SGCZ: variants seen among roughly 807,000 people sequenced by gnomAD.
SGCZ encodes the protein sarcoglycan zeta, also known as zeta-sarcoglycan.
In SGCZ, 40 loss-of-function variants were observed where a neutral mutation model predicts 41.3. That is an observed-to-expected ratio of 0.97 (90% CI 0.75 to 1.26). SGCZ has a LOEUF of 1.26. Ranked by LOEUF, SGCZ falls within the 50% of genes most tolerant of loss-of-function variation. The probability of loss-of-function intolerance (pLI) is 0.00; values close to 1 mark genes in which losing one functional copy is unlikely to be tolerated. For missense variants in SGCZ, 552 were observed against 369.8 expected (o/e 1.49, Z -4.04); for synonymous variants, 206 against 137.5 (o/e 1.50, Z -3.49).
intron 1 of SGCZ, among the ~76,000 whole-genome samples, chr8:14,914,834 T>C (rs1012677764): frequency 1.2e-4 from 19 of 152,302 alleles, no homozygotes; most frequent in African/African-American, 4.6e-4. Flanking sequence ...AAGATTGTTA[T>C]GCAGGCACTT....
chr8:15,211,009 C>CTA (rs1173615748), intron 1 of SGCZ, among the ~76,000 whole-genome samples: 1 of 142,904 alleles, frequency 7.0e-6, no homozygotes, highest in East Asian at 2.0e-4. Context: ...GCTTCTCTCT[C>CTA]TCTATATATA....
chr8:14,986,486 T>C (rs766491668), intron 1 of SGCZ, among the ~76,000 whole-genome samples: 28 of 152,140 alleles, frequency 1.8e-4, no homozygotes, highest in Admixed American at 5.9e-4. Context: ...CCAGCAGTAA[T>C]TGAACAAATT....
chr8:14,339,937 A>T (rs963960762), intron 2 of SGCZ, among the ~76,000 whole-genome samples: 2 of 152,136 alleles, frequency 1.3e-5, no homozygotes, highest in Non-Finnish European at 2.9e-5. Context: ...AATATAAAAA[A>T]TGAAATGAAA....
rs145307944 is a variant in SGCZ at position 14,801,338 on chromosome 8, A to G, written c.40-246412T>C. 3.1e-4 allele frequency among the ~76,000 whole-genome samples: 47 copies of G among 152,352 alleles called. No individual in the cohort carries two copies. In the East Asian group the frequency reaches 8.7e-3, roughly 28 times the overall value. On this transcript the variant is annotated intron_variant, in intron 1 of 7. Transcript: ENST00000382080. Reference sequence around the variant, plus strand: ...GTAATCTCATTTGCTTTACTAAGGAAATGAATCATTTTTATGAGGAAAAAA... The same window carrying G: ...GTAATCTCATTTGCTTTACTAAGGAGATGAATCATTTTTATGAGGAAAAAA...
At chr8:14,264,757 C>A (rs1799815404) in intron 3 of SGCZ, among the ~76,000 whole-genome samples, 1 of 152,082 alleles carries the variant, frequency 6.6e-6, no homozygotes, top group Admixed American at 6.6e-5. Context: ...GTCAGGAGAC[C>A]AAGACCATCC....
At chr8:14,441,033 A>AT (rs1800246693) in intron 2 of SGCZ, among the ~76,000 whole-genome samples, 1 of 151,994 alleles carries the variant, frequency 6.6e-6, no homozygotes, top group South Asian at 2.1e-4. Flanking sequence ...ATGATTTATC[A>AT]TTTTTTTCTA....
At chr8:14,513,029 T>C (rs1047175285) in intron 2 of SGCZ, among the ~76,000 whole-genome samples, 2 of 152,180 alleles carry the variant, frequency 1.3e-5, no homozygotes, top group African/African-American at 2.4e-5. Context: ...CAAATCTTGT[T>C]CGTGCCTTGC....
At chr8:15,216,244 C>T (rs1384283989) in intron 1 of SGCZ, among the ~76,000 whole-genome samples, 3 of 109,916 alleles carry the variant, frequency 2.7e-5, no homozygotes, top group African/African-American at 3.5e-5. Context: ...TTTTTTGAGA[C>T]GGTGTTGCTC....
At chr8:14,422,540 G>C (rs1167355567) in intron 2 of SGCZ, among the ~76,000 whole-genome samples, 1 of 152,104 alleles carries the variant, frequency 6.6e-6, no homozygotes, top group African/African-American at 2.4e-5. Flanking sequence ...TCTGTAATTG[G>C]AAACTGTAAA....
intron 1 of SGCZ, among the ~76,000 whole-genome samples, chr8:14,569,240 T>A (rs1031279899): frequency 6.6e-6 from 1 of 152,206 alleles, no homozygotes; most frequent in African/African-American, 2.4e-5. Context: ...TTTTAATTCA[T>A]TGCAGCTGAA....
intron 1 of SGCZ, among the ~76,000 whole-genome samples, chr8:14,588,177 G>A (rs543143620): frequency 7.2e-6 from 1 of 138,604 alleles, no homozygotes; most frequent in South Asian, 2.4e-4. Flanking sequence ...AATTTTTCAG[G>A]AATAGCCATT....
At chr8:14,918,990 G>T (rs1268315804) in intron 1 of SGCZ, among the ~76,000 whole-genome samples, 1 of 152,190 alleles carries the variant, frequency 6.6e-6, no homozygotes, top group Non-Finnish European at 1.5e-5. Flanking sequence ...CTCCCAAGGT[G>T]CCAGCTCTGT....
Position 14,495,269 on chromosome 8 carries a change from A to G in SGCZ, c.234+59463T>C, listed in dbSNP as rs973843943. ...GTTAAATGTTTGTAACCAGTTCACA[A>G]TGAGAGAAGTAGCTTCCACTAGAAA... is the stretch of plus-strand genomic sequence containing the variant. On this transcript the variant is annotated intron_variant, in intron 2 of 7. Transcript: ENST00000382080. Among the ~76,000 whole-genome samples the G allele has an allele frequency of 7.2e-5, 11 of 152,206 alleles. 1 individual carries two copies. Among genetic ancestry groups the G allele is most frequent in the Admixed American group, 6.5e-4 (10 of 15,278 alleles).
intron 1 of SGCZ, among the ~76,000 whole-genome samples, chr8:14,621,483 AT>A (rs1183155493): frequency 2.6e-5 from 4 of 152,050 alleles, no homozygotes; most frequent in Admixed American, 6.6e-5. Context: ...CACAAAAAAA[AT>A]AAAAATAAAA....
chr8:14,792,480 G>T (rs1022903358), intron 1 of SGCZ, among the ~76,000 whole-genome samples: 2 of 152,078 alleles, frequency 1.3e-5, no homozygotes, highest in African/African-American at 2.4e-5. Context: ...CTAGTCAAGG[G>T]TCACAATAAT....
chr8:15,107,376 G>A (rs530864474), intron 1 of SGCZ, among the ~76,000 whole-genome samples: 1 of 152,246 alleles, frequency 6.6e-6, no homozygotes, highest in South Asian at 2.1e-4. Flanking sequence ...TTGGGTCATG[G>A]GAGGAGATCC....
At chr8:14,913,361 T>C (rs1258938458) in intron 1 of SGCZ, among the ~76,000 whole-genome samples, 1 of 152,120 alleles carries the variant, frequency 6.6e-6, no homozygotes, top group Admixed American at 6.6e-5. Flanking sequence ...CTCTCACAAC[T>C]ATATGGTCTT....
chr8:14,692,846 T>C (rs890842270), intron 1 of SGCZ, among the ~76,000 whole-genome samples: 4 of 152,192 alleles, frequency 2.6e-5, no homozygotes, highest in Non-Finnish European at 5.9e-5. Flanking sequence ...ATCTTGAGCA[T>C]GAAACTTCAA....
At chr8:14,225,265 A>C (rs2117132558) in intron 4 of SGCZ, among the ~76,000 whole-genome samples, 1 of 152,204 alleles carries the variant, frequency 6.6e-6, no homozygotes, top group South Asian at 2.1e-4. Context: ...TACCCCCAAA[A>C]GTTATGGGCT....
Sources: allele counts gnomAD v4.1 joint callset (sites outside exome capture counted in the v4.1 genomes callset), GRCh38; gene constraint gnomAD v4.1.1; transcripts MANE v1.5; gene names NCBI Gene and HGNC (gene_info 2026-07-23, HGNC 2026-07-21).